BCHE: variants seen among roughly 807,000 people sequenced by gnomAD.
BCHE encodes cholinesterase.
A neutral mutation model predicts 51.3 loss-of-function variants in BCHE; 48 were observed. That is an observed-to-expected ratio of 0.94 (90% CI 0.74 to 1.19). The LOEUF (loss-of-function observed/expected upper bound fraction) is 1.19. Among genes scored for constraint, BCHE ranks in the 50% most tolerant of loss-of-function variants. The pLI is 0.00. For synonymous variants in BCHE, 251 were observed against 238.0 expected, an observed-to-expected ratio of 1.05 and a Z score of -0.50; for missense variants, 847 against 708.2, an observed-to-expected ratio of 1.20 and a Z score of -2.23.
intron 2 of BCHE, among the ~76,000 whole-genome samples, chr3:165,800,430 A>G (rs565398995): frequency 1.3e-4 from 20 of 152,226 alleles, no homozygotes; most frequent in African/African-American, 4.3e-4. Flanking sequence ...TTTTTCTCAA[A>G]GAGAAATATG....
At position 165,786,177 on chromosome 3, in the gene BCHE, G is replaced by A. The variant is rs545173403; in HGVS notation, c.1652C>T (p.Thr551Ile). Residue 551 changes from threonine (T) to isoleucine (I), a missense_variant, in exon 3 of 4, where the codon ACA becomes ATA. By Grantham distance (89) the Thr-to-Ile change is moderately conservative. Coordinates refer to ENST00000264381, the MANE Select transcript of BCHE (RefSeq NM_000055.4). ...TTCCAAGACTTTTGGAAAAAATGATGTCCAGAATCGACATTGTTGAGCACG... is the reference window on the plus strand; with the variant it reads ...TTCCAAGACTTTTGGAAAAAATGATATCCAGAATCGACATTGTTGAGCACG... Reference protein sequence around the residue: ...KLRAQQCRFWTSFFPKVLEMT... With the variant: ...KLRAQQCRFWISFFPKVLEMT... 2 of 1,612,000 alleles carry A rather than the reference G, an allele frequency of 1.2e-6. No homozygotes were observed. Among genetic ancestry groups the A allele is most frequent in the African/African-American group, 1.3e-5 (1 of 74,916 alleles).
intron 2 of BCHE, among the ~76,000 whole-genome samples, chr3:165,809,192 T>G (rs1322127640): frequency 6.6e-6 from 1 of 152,152 alleles, no homozygotes; most frequent in African/African-American, 2.4e-5. Context: ...GACTTTCATG[T>G]TTCTATATCG....
intron 2 of BCHE, among the ~76,000 whole-genome samples, chr3:165,804,573 G>A (rs778618792): frequency 2.6e-5 from 4 of 152,124 alleles, no homozygotes; most frequent in Admixed American, 6.6e-5. Flanking sequence ...AGAGGACTTG[G>A]CCAGGGTTTT....
At chr3:165,828,514 G>A (rs1039174795) in intron 2 of BCHE, among the ~76,000 whole-genome samples, 26 of 152,204 alleles carry the variant, frequency 1.7e-4, no homozygotes, top group African/African-American at 6.3e-4. Flanking sequence ...ATGGAGGGTG[G>A]AAAAGAACAC....
intron 2 of BCHE, among the ~76,000 whole-genome samples, chr3:165,820,173 T>G (rs1714461324): frequency 6.9e-6 from 1 of 144,346 alleles, no homozygotes; most frequent in African/African-American, 2.5e-5. Context: ...TATCTCAGTT[T>G]TATAGCTCTC....
Position 165,829,609 on chromosome 3 carries a change from A to G in BCHE, c.1425T>C (p.Gly475=), listed in dbSNP as rs372860529. 3 of 1,613,686 alleles carry G rather than the reference A, an allele frequency of 1.9e-6. No individual in the cohort carries two copies. In the African/African-American group the frequency reaches 4.0e-5, roughly 22 times the overall value. Residue 475 remains glycine (G), a synonymous_variant, in exon 2 of 4, where the codon GGT becomes GGC. Coordinates refer to ENST00000264381, the MANE Select transcript of BCHE (RefSeq NM_000055.4). The part of the protein sequence containing the change: ...MHGYEIEFVF[G]LPLERRDNYT... ...AATTATCTCTTCTTTCCAGAGGTAA[A>G]CCAAAGACAAATTCAATTTCATAGC...
At chr3:165,803,938 C>A (rs888300876) in intron 2 of BCHE, among the ~76,000 whole-genome samples, 1 of 151,900 alleles carries the variant, frequency 6.6e-6, no homozygotes, top group African/African-American at 2.4e-5. Flanking sequence ...CTGATATCAC[C>A]CATGGAATAA....
chr3:165,812,378 A>C (rs1486510207), intron 2 of BCHE, among the ~76,000 whole-genome samples: 1 of 151,394 alleles, frequency 6.6e-6, no homozygotes, highest in Non-Finnish European at 1.5e-5. Context: ...TTTTTACTCT[A>C]TATATAATTT....
intron 2 of BCHE, among the ~76,000 whole-genome samples, chr3:165,828,915 C>T (rs1051823600): frequency 6.6e-6 from 1 of 152,020 alleles, no homozygotes; most frequent in Non-Finnish European, 1.5e-5. Flanking sequence ...AGGTGGAGAA[C>T]GGCTTAGCTA....
intron 2 of BCHE, among the ~76,000 whole-genome samples, chr3:165,794,014 T>G (rs1048103553): frequency 1.3e-5 from 2 of 151,336 alleles, no homozygotes; most frequent in African/African-American, 4.9e-5. Flanking sequence ...GCCACTGCAC[T>G]CCAGCCTGGG....
Position 165,831,008 on chromosome 3 carries a change from C to T in BCHE, c.26G>A (p.Cys9Tyr). The change falls in exon 2 of 4, where the codon TGC (cysteine) becomes TAC (tyrosine). Residue 9 changes from cysteine to tyrosine, a missense_variant. Cys to Tyr is a radical substitution (Grantham distance 194). Coordinates refer to ENST00000264381, the MANE Select transcript of BCHE (RefSeq NM_000055.4). The stretch of plus-strand genomic sequence containing the variant: ...AAGAAACCAAAAGAGAAATCTGATG[C>T]ATATGATTGTGACTTTGCTATGCAT... MHSKVTII[C>Y]IRFLFWFLLL... The T allele has an allele frequency of 6.2e-7, 1 of 1,613,020 alleles. No individual in the cohort carries two copies. The highest frequency in any genetic ancestry group is 1.3e-5 in the African/African-American group (1 of 75,010).
At chr3:165,796,959 C>T (rs1420172954) in intron 2 of BCHE, among the ~76,000 whole-genome samples, 1 of 151,968 alleles carries the variant, frequency 6.6e-6, no homozygotes, top group East Asian at 1.9e-4. Flanking sequence ...GTCTTCTTTC[C>T]TCTGCATTGT....
intron 2 of BCHE, among the ~76,000 whole-genome samples, chr3:165,791,035 C>T (rs1232463375): frequency 2.0e-5 from 3 of 152,118 alleles, no homozygotes; most frequent in African/African-American, 4.8e-5. Flanking sequence ...CGGTGGCTCA[C>T]GCCTGTAATC....
rs117813243 is a variant in BCHE at position 165,773,611 on chromosome 3, G to A, written c.1685-105C>T. On this transcript the variant is annotated intron_variant, in intron 3 of 3. Transcript: ENST00000264381. The stretch of plus-strand genomic sequence containing the variant: ...CCATTTTCTCTAACTACACAGTACA[G>A]CATTATTTTCTTTATTTATTCTTTA... The A allele has an allele frequency of 7.3e-4, 625 of 852,780 alleles. 13 individuals carry two copies. In the East Asian group the frequency reaches 0.016, roughly 22 times the overall value. The allele number at this position is 852,780 out of a possible 1,614,324, so 52.8% of individuals were successfully genotyped here.
chr3:165,826,757 A>G (rs1403891864), intron 2 of BCHE, among the ~76,000 whole-genome samples: 2 of 152,150 alleles, frequency 1.3e-5, no homozygotes, highest in Non-Finnish European at 2.9e-5. Flanking sequence ...CTCCAATTCT[A>G]CTTTTACTTC....
intron 2 of BCHE, among the ~76,000 whole-genome samples, chr3:165,794,121 C>A (rs910314309): frequency 6.0e-4 from 91 of 151,538 alleles, no homozygotes; most frequent in African/African-American, 2.1e-3. Context: ...AACTATATAC[C>A]CAAATAAAAT....
At chr3:165,805,690 T>A (rs549812037) in intron 2 of BCHE, among the ~76,000 whole-genome samples, 1 of 152,274 alleles carries the variant, frequency 6.6e-6, no homozygotes, top group African/African-American at 2.4e-5. Flanking sequence ...TCTTTACCAA[T>A]CTTTTACTTT....
rs1420403353 is a variant in BCHE, at chr3:165,788,273, G to A, written c.1518-1962C>T. Among the ~76,000 whole-genome samples the A allele has an allele frequency of 2.0e-5, 3 of 152,018 alleles. No individual in the cohort carries two copies. In the East Asian group the frequency reaches 5.8e-4, roughly 29 times the overall value. ...CATAAATTCATATTTTATCATAGAT[G>A]CAGACATGTTCAACCATGAATTCAG... On this transcript the variant is annotated intron_variant, in intron 2 of 3. Coordinates refer to ENST00000264381, the MANE Select transcript of BCHE (RefSeq NM_000055.4).
rs1000822422 is a variant in BCHE at position 165,773,315 on chromosome 3, A to T, written c.*67T>A. 6.7e-7 allele frequency: 1 copy of T among 1,492,420 alleles called. No homozygotes were observed. Among genetic ancestry groups the T allele is most frequent in the Non-Finnish European group, 9.2e-7 (1 of 1,086,266 alleles). The allele number at this position is 1,492,420 out of a possible 1,614,324, so 92.4% of individuals were successfully genotyped here. A position where few individuals can be genotyped will look rare whatever the true frequency, so the allele number is the denominator to read the frequency against. ...TAATAACTTTTTTAGTAGGTGTGTAAAAAAGCTCCTGATATTTTTGCCTTG... is the reference window on the plus strand; with the variant it reads ...TAATAACTTTTTTAGTAGGTGTGTATAAAAGCTCCTGATATTTTTGCCTTG... On this transcript the variant is annotated 3_prime_UTR_variant, in exon 4 of 4. Transcript: ENST00000264381.
Sources: allele counts gnomAD v4.1 joint callset (sites outside exome capture counted in the v4.1 genomes callset), GRCh38; gene constraint gnomAD v4.1.1; transcripts MANE v1.5; gene names NCBI Gene and HGNC (gene_info 2026-07-23, HGNC 2026-07-21).